Variants in SNAPC1 observed in about 807,000 individuals in gnomAD.
The protein encoded by SNAPC1 is snRNA-activating protein complex subunit 1.
A neutral mutation model predicts 50.1 loss-of-function variants in SNAPC1; 42 were observed. The observed-to-expected ratio is 0.84, with a 90% CI of 0.65 to 1.08. SNAPC1 has a LOEUF of 1.08. Among genes scored for constraint, SNAPC1 ranks in the 50% least tolerant of loss-of-function variants. The pLI is 0.00. For missense variants in SNAPC1, 477 were observed against 427.3 expected, an observed-to-expected ratio of 1.12 and a Z score of -1.02; for synonymous variants, 164 against 144.2, an observed-to-expected ratio of 1.14 and a Z score of -0.98.
intron 8 of SNAPC1, among the ~76,000 whole-genome samples, chr14:61,792,409 C>G (rs1170062035): frequency 1.3e-5 from 2 of 152,142 alleles, no homozygotes; most frequent in South Asian, 2.1e-4. Context: ...ATGTTCACAT[C>G]CAAAAGTAAG....
chr14:61,765,566 G>T (rs1299280598), intron 1 of SNAPC1, among the ~76,000 whole-genome samples: 1 of 152,088 alleles, frequency 6.6e-6, no homozygotes, highest in African/African-American at 2.4e-5. Context: ...ACAAATGCTT[G>T]CGTTCTTTTG....
At chr14:61,788,233 A>G (rs1397582893) in intron 8 of SNAPC1, among the ~76,000 whole-genome samples, 4 of 152,230 alleles carry the variant, frequency 2.6e-5, no homozygotes, top group African/African-American at 7.2e-5. Flanking sequence ...TCAGATCTCC[A>G]TCATGGCTTA....
chr14:61,774,133 C>T (rs1321941110), intron 4 of SNAPC1, among the ~76,000 whole-genome samples: 1 of 151,112 alleles, frequency 6.6e-6, no homozygotes, highest in East Asian at 1.9e-4. Flanking sequence ...AGTCCATGCA[C>T]TGTCTTTTAT....
chr14:61,779,717 T>TC (rs2045058422), intron 7 of SNAPC1, among the ~76,000 whole-genome samples: 2 of 148,718 alleles, frequency 1.3e-5, no homozygotes, highest in African/African-American at 2.5e-5. Context: ...GGTTTTTTTT[T>TC]TTTTTTTTGA....
chr14:61,769,503 T>C (rs2044972954), intron 4 of SNAPC1, among the ~76,000 whole-genome samples: 1 of 145,252 alleles, frequency 6.9e-6, no homozygotes, highest in Admixed American at 7.0e-5. Context: ...GTTCAAGCAA[T>C]TCTCCTGCCT....
chr14:61,791,378 A>G (rs186941293), intron 8 of SNAPC1, among the ~76,000 whole-genome samples: 158 of 152,272 alleles, frequency 1.0e-3, no homozygotes, highest in Non-Finnish European at 1.9e-3. Flanking sequence ...TCTCTTTTAT[A>G]TGTTTCCTTT....
At chr14:61,786,190 T>C (rs1035958194) in intron 8 of SNAPC1, among the ~76,000 whole-genome samples, 51 of 152,226 alleles carry the variant, frequency 3.4e-4, no homozygotes, top group African/African-American at 1.2e-3. Flanking sequence ...ATTATAAAAC[T>C]TGTGAAAAAA....
At chr14:61,785,758 C>G (rs888139893) in intron 8 of SNAPC1, among the ~76,000 whole-genome samples, 2 of 152,126 alleles carry the variant, frequency 1.3e-5, no homozygotes, top group African/African-American at 4.8e-5. Flanking sequence ...TGGCCTTCCA[C>G]CTAATACAAA....
At chr14:61,788,159 C>T (rs1200419367) in intron 8 of SNAPC1, among the ~76,000 whole-genome samples, 1 of 152,138 alleles carries the variant, frequency 6.6e-6, no homozygotes, top group Non-Finnish European at 1.5e-5. Context: ...AATGAATTTT[C>T]TCAGGGTGTT....
At chr14:61,773,008 C>T (rs981051833) in intron 4 of SNAPC1, among the ~76,000 whole-genome samples, 1 of 152,200 alleles carries the variant, frequency 6.6e-6, no homozygotes, top group Non-Finnish European at 1.5e-5. Context: ...CTAGCATAGC[C>T]TGTAATCCAT....
intron 8 of SNAPC1, among the ~76,000 whole-genome samples, chr14:61,791,483 T>C (rs2045151933): frequency 6.6e-6 from 1 of 152,206 alleles, no homozygotes; most frequent in South Asian, 2.1e-4. Context: ...TAACATAATT[T>C]AATTTTCTCC....
chr14:61,763,417 C>G (rs1436149818), intron 1 of SNAPC1, among the ~76,000 whole-genome samples: 2 of 151,522 alleles, frequency 1.3e-5, no homozygotes, highest in Non-Finnish European at 2.9e-5. Context: ...TCCTCACTGG[C>G]CTTTGCCTAT....
intron 1 of SNAPC1, among the ~76,000 whole-genome samples, chr14:61,763,601 A>G (rs2140172614): frequency 6.6e-6 from 1 of 151,528 alleles, no homozygotes; most frequent in East Asian, 1.9e-4. Context: ...TTAAGCTCAA[A>G]TGACATCCTC....
At chr14:61,770,985 G>C (rs897772016) in intron 4 of SNAPC1, among the ~76,000 whole-genome samples, 1 of 152,038 alleles carries the variant, frequency 6.6e-6, no homozygotes, top group African/African-American at 2.4e-5. Context: ...CAGGCGATCC[G>C]CCCGCCTCAG....
chr14:61,782,787 TC>T, intron 8 of SNAPC1, among the ~76,000 whole-genome samples: 1 of 151,920 alleles, frequency 6.6e-6, no homozygotes, highest in Non-Finnish European at 1.5e-5. Flanking sequence ...ATGCCTGTAA[TC>T]CCAGCTACTT....
At chr14:61,768,194 G>C (rs180809853) in intron 3 of SNAPC1, among the ~76,000 whole-genome samples, 6 of 152,158 alleles carry the variant, frequency 3.9e-5, no homozygotes, top group African/African-American at 1.4e-4. Context: ...CATATTAAGC[G>C]AACTGTTTTG....
chr14:61,787,109 T>C (rs940047423), intron 8 of SNAPC1, among the ~76,000 whole-genome samples: 3 of 152,248 alleles, frequency 2.0e-5, no homozygotes, highest in Admixed American at 6.5e-5. Flanking sequence ...AGAAAACATA[T>C]ATTTGGTTGC....
intron 8 of SNAPC1, among the ~76,000 whole-genome samples, chr14:61,785,685 A>G (rs1248853347): frequency 6.6e-6 from 1 of 152,222 alleles, no homozygotes; most frequent in African/African-American, 2.4e-5. Flanking sequence ...TGGTAAGGCA[A>G]CAAGTGGGGG....
intron 8 of SNAPC1, among the ~76,000 whole-genome samples, chr14:61,790,001 A>C (rs1039257639): frequency 1.3e-5 from 2 of 152,228 alleles, no homozygotes; most frequent in Admixed American, 6.5e-5. Flanking sequence ...GCTAACAGAC[A>C]TAAGAGCAAA....
Sources: allele counts gnomAD v4.1 joint callset (sites outside exome capture counted in the v4.1 genomes callset), GRCh38; gene constraint gnomAD v4.1.1; transcripts MANE v1.5; gene names NCBI Gene and HGNC (gene_info 2026-07-23, HGNC 2026-07-21).